ETNK1: variants seen among roughly 807,000 people sequenced by gnomAD.
The protein encoded by ETNK1 is putative protein product of Nbla10396.
A neutral mutation model predicts 45.1 loss-of-function variants in ETNK1; 8 were observed. The ratio of observed to expected loss-of-function variants is 0.18; its 90% CI spans 0.10 to 0.32. ETNK1 has a LOEUF of 0.32. Ranked by LOEUF, ETNK1 falls within the 10% of genes least tolerant of loss-of-function variation. The probability of loss-of-function intolerance (pLI) is 1.00; values close to 1 mark genes in which losing one functional copy is unlikely to be tolerated. For synonymous variants in ETNK1, 152 were observed against 151.9 expected, an observed-to-expected ratio of 1.00 and a Z score of -0.01; for missense variants, 302 against 430.6, an observed-to-expected ratio of 0.70 and a Z score of 2.64.
At chr12:22,631,304 A>T (rs1358263812) in intron 1 of ETNK1, among the ~76,000 whole-genome samples, 1 of 151,748 alleles carries the variant, frequency 6.6e-6, no homozygotes, top group African/African-American at 2.4e-5. Flanking sequence ...CCTCCAGAGT[A>T]GCTGGGATTA....
intron 1 of ETNK1, among the ~76,000 whole-genome samples, chr12:22,632,864 A>C (rs1953598592): frequency 1.3e-5 from 2 of 152,070 alleles, no homozygotes; most frequent in African/African-American, 4.8e-5. Context: ...TGTTTTTTTA[A>C]AATTTTGGTT....
chr12:22,663,140 C>G (rs1954023390), intron 4 of ETNK1, among the ~76,000 whole-genome samples: 1 of 152,082 alleles, frequency 6.6e-6, no homozygotes, highest in African/African-American at 2.4e-5. Flanking sequence ...GTCTTATTGT[C>G]TGTTATATAT....
Position 22,688,285 on chromosome 12 carries a change from A to T in ETNK1, c.*3331A>T, listed in dbSNP as rs1954276946. On this transcript the variant is annotated 3_prime_UTR_variant, in exon 8 of 8. Transcript: ENST00000266517. ...TTCTCTAAATTTAAAGTTGATCATGATAGGATCATAAAAGACAGAAAAGAC... is the reference window on the plus strand; with the variant it reads ...TTCTCTAAATTTAAAGTTGATCATGTTAGGATCATAAAAGACAGAAAAGAC... The T allele has an allele frequency of 6.6e-6, 1 of 151,850 alleles. No individual in the cohort carries two copies. Among genetic ancestry groups the T allele is most frequent in the South Asian group, 2.1e-4 (1 of 4,830 alleles). 9.4% of individuals were successfully genotyped at this position (151,850 alleles called of 1,614,324 possible).
rs143069498 is a variant in ETNK1, at chr12:22,667,317, T to C, written c.701-3955T>C. On this transcript the variant is annotated intron_variant, in intron 4 of 7. Transcript: ENST00000266517. ...TTCCCCTCCCCCAGCAAACGTGTTA[T>C]TGTGTGTCAGCATTTTCTGCAAACT... Among the ~76,000 whole-genome samples the C allele has an allele frequency of 1.6e-4, 25 of 152,292 alleles. No individual in the cohort carries two copies. The East Asian group carries it at 4.4e-3, about 27-fold the overall frequency.
chr12:22,629,005 T>G (rs1399534000), intron 1 of ETNK1, among the ~76,000 whole-genome samples: 1 of 152,114 alleles, frequency 6.6e-6, no homozygotes, highest in African/African-American at 2.4e-5. Context: ...GCTTTGTTAC[T>G]CTGGTCAAAT....
intron 1 of ETNK1, among the ~76,000 whole-genome samples, chr12:22,641,884 T>C (rs1387644508): frequency 6.6e-6 from 1 of 152,194 alleles, no homozygotes; most frequent in Non-Finnish European, 1.5e-5. Context: ...TGACACTGTG[T>C]CTTCTTCATA....
intron 1 of ETNK1, among the ~76,000 whole-genome samples, chr12:22,641,808 CG>C (rs1953741766): frequency 6.6e-6 from 1 of 152,056 alleles, no homozygotes; most frequent in African/African-American, 2.4e-5. Context: ...TTTATTCTAG[CG>C]GTTTCTTTCC....
intron 1 of ETNK1, 59 bp downstream of exon 1, chr12:22,625,645 T>G: frequency 6.6e-7 from 1 of 1,515,046 alleles, no homozygotes; most frequent in Non-Finnish European, 8.8e-7. Context: ...CTGGGGGTCC[T>G]CACCACAATC....
In ETNK1 at chr12:22,688,724, GCA is replaced by G. The variant is rs1431207255; in HGVS notation, c.*3773_*3774del. On this transcript the variant is annotated 3_prime_UTR_variant, in exon 8 of 8. Coordinates refer to ENST00000266517, the MANE Select transcript of ETNK1 (RefSeq NM_018638.5). Reference sequence around the variant, plus strand: ...GAAGACAAATGCTAGTAATTATTATGCACAGAGGAAAAATCATTTTAAGTATG... The same window carrying G: ...GAAGACAAATGCTAGTAATTATTATGCAGAGGAAAAATCATTTTAAGTATG... The G allele has an allele frequency of 1.3e-5, 2 of 152,214 alleles. No individual in the cohort carries two copies. Among genetic ancestry groups the G allele is most frequent in the East Asian group, 3.8e-4 (2 of 5,198 alleles). The allele number at this position is 152,214 out of a possible 1,614,324, so 9.4% of individuals were successfully genotyped here.
chr12:22,656,783 T>TA, intron 2 of ETNK1: 4 of 982,810 alleles, frequency 4.1e-6, no homozygotes, highest in Non-Finnish European at 4.8e-6. Context: ...TTCATTTATT[T>TA]AAAAAAACCA....
chr12:22,665,171 T>TATTAG (rs1257703680), intron 4 of ETNK1, among the ~76,000 whole-genome samples: 4 of 152,254 alleles, frequency 2.6e-5, no homozygotes, highest in African/African-American at 9.6e-5. Flanking sequence ...AAATAAGTAG[T>TATTAG]ATTAGACATA....
rs145422219 is a variant in ETNK1, at chr12:22,641,351, A to C, written c.157-2412A>C. Among the ~76,000 whole-genome samples, 381 of 152,308 alleles carry C rather than the reference A, an allele frequency of 2.5e-3. 2 individuals carry two copies. Among genetic ancestry groups the C allele is most frequent in the Middle Eastern group, 6.8e-3 (2 of 294 alleles). On this transcript the variant is annotated intron_variant, in intron 1 of 7. Coordinates refer to ENST00000266517, the MANE Select transcript of ETNK1 (RefSeq NM_018638.5). ...AAGCAGGCCCAAAGTTTGACTGGAAAAGAGCAGCAGTCACTCATATTAGCC... is the reference window on the plus strand; with the variant it reads ...AAGCAGGCCCAAAGTTTGACTGGAACAGAGCAGCAGTCACTCATATTAGCC...
intron 4 of ETNK1, among the ~76,000 whole-genome samples, chr12:22,665,809 T>C (rs144861414): frequency 5.8e-4 from 89 of 152,208 alleles, no homozygotes; most frequent in Middle Eastern, 3.4e-3. Flanking sequence ...ATAGGCTAGA[T>C]AGTAGGTAGT....
At position 22,690,308 on chromosome 12, in the gene ETNK1, TGAA is replaced by T. The variant is rs1484173411; in HGVS notation, c.*5357_*5359del. ...GAGAATTTGTTAATCTGTTTGATAA[TGAA>T]GATACTTCCTGTTTTCTTGTTTCAT... On this transcript the variant is annotated 3_prime_UTR_variant, in exon 8 of 8. Transcript: ENST00000266517. 1.3e-5 allele frequency: 2 copies of T among 152,648 alleles called. No homozygotes were observed. The highest frequency in any genetic ancestry group is 1.9e-4 in the East Asian group (1 of 5,190). The allele number at this position is 152,648 out of a possible 1,614,324, so 9.5% of individuals were successfully genotyped here. A position where few individuals can be genotyped will look rare whatever the true frequency, so the allele number is the denominator to read the frequency against.
intron 1 of ETNK1, among the ~76,000 whole-genome samples, chr12:22,641,685 G>C (rs1953739603): frequency 6.6e-6 from 1 of 152,046 alleles, no homozygotes; most frequent in Non-Finnish European, 1.5e-5. Flanking sequence ...TACTTATGGA[G>C]AAACAAGAAA....
At chr12:22,626,867 A>G (rs2137507543) in intron 1 of ETNK1, among the ~76,000 whole-genome samples, 1 of 152,356 alleles carries the variant, frequency 6.6e-6, no homozygotes, top group African/African-American at 2.4e-5. Context: ...TTTAAAGGAA[A>G]TGTGTCTTCC....
In ETNK1 at chr12:22,685,124, T is replaced by C. The variant is rs1954249733; in HGVS notation, c.*170T>C. The C allele has an allele frequency of 1.9e-6, 1 of 531,758 alleles. No individual in the cohort carries two copies. 32.9% of individuals were successfully genotyped at this position (531,758 alleles called of 1,614,324 possible). The stretch of plus-strand genomic sequence containing the variant: ...TATTTTTGAAATAGACTGAATGATG[T>C]CAAGAAATATACCTACTGCTATCCG... On this transcript the variant is annotated 3_prime_UTR_variant, in exon 8 of 8. Transcript: ENST00000266517.
intron 2 of ETNK1, chr12:22,644,339 CTGCCGAT>C: frequency 6.6e-7 from 1 of 1,520,070 alleles, no homozygotes; most frequent in African/African-American, 1.4e-5. Context: ...ACATTTCTTA[CTGCCGAT>C]TGCTTATTAC....
At chr12:22,643,076 C>G (rs372732691) in intron 1 of ETNK1, among the ~76,000 whole-genome samples, 1 of 151,762 alleles carries the variant, frequency 6.6e-6, no homozygotes, top group Non-Finnish European at 1.5e-5. Flanking sequence ...TGTAAGGTTG[C>G]GTTTTTGTTT....
Sources: gnomAD v4.1 joint callset for allele counts (sites outside exome capture counted in the v4.1 genomes callset) on GRCh38, gnomAD v4.1.1 for gene constraint, MANE v1.5 for transcripts, NCBI Gene and HGNC (gene_info 2026-07-23, HGNC 2026-07-21) for gene names.